CYFIP1: variants seen among roughly 807,000 people sequenced by gnomAD.
The protein encoded by CYFIP1 is cytoplasmic FMR1 interacting protein 1.
Under a neutral mutation model 163.5 loss-of-function variants are expected in CYFIP1, and 58 were observed. The observed-to-expected ratio is 0.35, with a 90% CI of 0.29 to 0.44. The LOEUF (loss-of-function observed/expected upper bound fraction) is 0.44, where lower values mean the gene tolerates loss of function less well. Among genes scored for constraint, CYFIP1 ranks in the 20% least tolerant of loss-of-function variants. The pLI, the probability that CYFIP1 is intolerant of heterozygous loss-of-function variation, is 1.00. For synonymous variants in CYFIP1, 663 were observed against 660.7 expected (o/e 1.00, Z -0.05); for missense variants, 1,338 against 1,653.8 (o/e 0.81, Z 3.31).
chr15:22,918,656 T>G (rs765175775), intron 14 of CYFIP1, 36 bp downstream of exon 14: 2 of 1,515,876 alleles, frequency 1.3e-6, no homozygotes, highest in Non-Finnish European at 1.8e-6. Flanking sequence ...CGAGGACGTG[T>G]GGGCACAGCG....
chr15:22,962,818 C>A (rs1169867572), intron 1 of CYFIP1, among the ~76,000 whole-genome samples: 1 of 152,224 alleles, frequency 6.6e-6, no homozygotes. Flanking sequence ...TTACGAGACG[C>A]ATGCACGCTG....
rs760798329 is a variant in CYFIP1, at chr15:22,875,239, C to T, written c.3075G>A (p.Ala1025=). 2.4e-5 allele frequency: 38 copies of T among 1,613,896 alleles called. 1 individual carries two copies. The highest frequency in any genetic ancestry group is 5.0e-5 in the Admixed American group (3 of 59,996). The change falls in exon 27 of 31, where the codon GCG becomes GCA. Residue 1025 remains alanine (A), a synonymous_variant. Transcript: ENST00000617928. ...SLEEVCDLLH[A]APFQNILPRV... ...GCGGCAAGATGTTCTGGAAAGGAGCCGCGTGCAGCAGGTCACACACTTCTT... is the reference window on the plus strand; with the variant it reads ...GCGGCAAGATGTTCTGGAAAGGAGCTGCGTGCAGCAGGTCACACACTTCTT...
At chr15:22,896,791 CAG>C (rs36075107) in intron 22 of CYFIP1, among the ~76,000 whole-genome samples, 46,376 of 151,930 alleles carry the variant, frequency 0.31, 7,472 homozygotes, top group South Asian at 0.39. Flanking sequence ...CTGTTTTGTA[CAG>C]AGTGATTTTT....
chr15:22,937,733 G>C (rs1468502345), intron 8 of CYFIP1, among the ~76,000 whole-genome samples: 2 of 151,670 alleles, frequency 1.3e-5, no homozygotes, highest in Admixed American at 1.3e-4. Flanking sequence ...CAAGTAGCTG[G>C]GATTACAGGC....
chr15:22,908,662 C>T (rs1003511936), intron 21 of CYFIP1, among the ~76,000 whole-genome samples: 6 of 150,370 alleles, frequency 4.0e-5, no homozygotes, highest in Non-Finnish European at 5.9e-5. Flanking sequence ...CGGAGTAGCT[C>T]GGACTACAGG....
At chr15:22,964,353 T>TCACACACACACACACA (rs71117466) in intron 1 of CYFIP1, among the ~76,000 whole-genome samples, 13 of 78,746 alleles carry the variant, frequency 1.7e-4, no homozygotes, top group African/African-American at 2.0e-4. Flanking sequence ...ACCTCATCAC[T>TCACACACACACACACA]CACACACACA....
chr15:22,937,468 G>C (rs534890244), intron 8 of CYFIP1, among the ~76,000 whole-genome samples: 1 of 152,122 alleles, frequency 6.6e-6, no homozygotes, highest in East Asian at 1.9e-4. Context: ...CCTAACCCAA[G>C]CGGTAGGGAT....
In CYFIP1 at chr15:22,875,242, G is replaced by A. The variant is rs762296538; in HGVS notation, c.3072C>T (p.His1024=). 8.1e-6 allele frequency: 13 copies of A among 1,614,096 alleles called. No individual in the cohort carries two copies. The highest frequency in any genetic ancestry group is 3.3e-4 in the Middle Eastern group (2 of 6,062). Residue 1024 remains histidine (H), a synonymous_variant, in exon 27 of 31, where the codon CAC becomes CAT. Transcript: ENST00000617928. The part of the protein sequence containing the change: ...LSLEEVCDLL[H]AAPFQNILPR... Reference sequence around the variant, plus strand: ...GCAAGATGTTCTGGAAAGGAGCCGCGTGCAGCAGGTCACACACTTCTTCTA... The same window carrying A: ...GCAAGATGTTCTGGAAAGGAGCCGCATGCAGCAGGTCACACACTTCTTCTA...
chr15:22,939,235 T>C lies in CYFIP1; in HGVS notation c.752A>G (p.Asn251Ser). The C allele has an allele frequency of 6.2e-7, 1 of 1,614,180 alleles. No individual in the cohort carries two copies. The highest frequency in any genetic ancestry group is 8.5e-7 in the Non-Finnish European group (1 of 1,180,024). ...IVNLCVDYYE[N>S]RMYLTPSEKH... Reference sequence around the variant, plus strand: ...CTCACTGGGCGTCAAATACATCCTGTTCTCGTAGTAATCCACACACAGATT... The same window carrying C: ...CTCACTGGGCGTCAAATACATCCTGCTCTCGTAGTAATCCACACACAGATT... The change falls in exon 8 of 31, where the codon AAC becomes AGC. Residue 251 changes from asparagine (N) to serine (S), a missense_variant. Asn to Ser is a conservative substitution (Grantham distance 46). This residue lies in a region of CYFIP1 where 824 missense variants were observed against 995.7 expected (regional missense o/e 0.83). Transcript: ENST00000617928.
intron 1 of CYFIP1, among the ~76,000 whole-genome samples, chr15:22,949,245 G>A (rs756234530): frequency 2.0e-5 from 3 of 147,000 alleles, no homozygotes; most frequent in Admixed American, 1.4e-4. Flanking sequence ...CAGGCAGGCC[G>A]GAGGGCGGGC....
At chr15:22,914,186 C>G (rs560898984) in intron 17 of CYFIP1, among the ~76,000 whole-genome samples, 1 of 152,214 alleles carries the variant, frequency 6.6e-6, no homozygotes, top group South Asian at 2.1e-4. Context: ...ACAGGGCTCC[C>G]GCAAGGCAGC....
intron 21 of CYFIP1, among the ~76,000 whole-genome samples, chr15:22,908,957 A>C (rs1190685440): frequency 6.6e-6 from 1 of 152,000 alleles, no homozygotes; most frequent in African/African-American, 2.4e-5. Context: ...AAGTCAATTT[A>C]GCATTGTGAA....
Position 22,933,791 on chromosome 15 carries a change from T to A in CYFIP1, c.992+11A>T. On this transcript the variant is annotated intron_variant, in intron 10 of 30. Coordinates refer to ENST00000617928, the MANE Select transcript of CYFIP1 (RefSeq NM_014608.6). ...GAAAGCTCAAACCAGGCAGCTTTCCTCTCCTCCTACCGAGATTTATTTTCC... is the reference window on the plus strand; with the variant it reads ...GAAAGCTCAAACCAGGCAGCTTTCCACTCCTCCTACCGAGATTTATTTTCC... 6.2e-7 allele frequency: 1 copy of A among 1,606,880 alleles called. No homozygotes were observed. Among genetic ancestry groups the A allele is most frequent in the East Asian group, 2.2e-5 (1 of 44,816 alleles).
intron 12 of CYFIP1, 101 bp from the exon 13 acceptor site, chr15:22,926,208 A>G (rs2061352478): frequency 1.3e-6 from 2 of 1,542,960 alleles, no homozygotes; most frequent in African/African-American, 1.4e-5. Flanking sequence ...CCAGCCTTCA[A>G]ACCTTTGCTG....
Position 22,933,805 on chromosome 15 carries a change from G to T in CYFIP1, c.989C>A (p.Ser330Tyr), listed in dbSNP as rs1566993311. The T allele has an allele frequency of 6.2e-7, 1 of 1,611,886 alleles. No individual in the cohort carries two copies. The highest frequency in any genetic ancestry group is 1.7e-5 in the Admixed American group (1 of 59,476). ...KTSAHYEENK[S>Y]RWTCTSSGSS... is the part of the protein sequence containing the mutation. ...GGCAGCTTTCCTCTCCTCCTACCGA[G>T]ATTTATTTTCCTCGTAGTGGGCGCT... Residue 330 changes from serine (S) to tyrosine (Y), a missense_variant, in exon 10 of 31, where the codon TCT becomes TAT. Physicochemically the swap from Ser to Tyr is moderately radical, Grantham distance 144. Around this residue, in one of 4 missense-constraint regions of CYFIP1, gnomAD observed 824 missense variants for 995.7 expected, o/e 0.83. Coordinates refer to ENST00000617928, the MANE Select transcript of CYFIP1 (RefSeq NM_014608.6).
At position 22,947,183 on chromosome 15, in the gene CYFIP1, A is replaced by G; in HGVS notation, c.103T>C (p.Ser35Pro). 6.2e-7 allele frequency: 1 copy of G among 1,614,114 alleles called. No individual in the cohort carries two copies. Among genetic ancestry groups the G allele is most frequent in the Non-Finnish European group, 8.5e-7 (1 of 1,179,978 alleles). ...TGGGCACCCACCTGGTAGAGCAGCG[A>G]GGATGGCGGGGGCTCGATGCAGGGC... The part of the protein sequence containing the change: ...QQPCIEPPPS[S>P]LLYQPNFNTN... The change falls in exon 2 of 31, where the codon TCG (serine) becomes CCG (proline). Residue 35 changes from serine (S) to proline (P), a missense_variant. This residue lies in a region of CYFIP1 where 186 missense variants were observed against 288.3 expected (regional missense o/e 0.65). Transcript: ENST00000617928.
chr15:22,911,027 G>C (rs1181256569), intron 18 of CYFIP1, among the ~76,000 whole-genome samples: 1 of 151,928 alleles, frequency 6.6e-6, no homozygotes, highest in Non-Finnish European at 1.5e-5. Flanking sequence ...TCAGCCTCCT[G>C]AGTAGCTGGG....
At chr15:22,911,758 T>C (rs967754404) in intron 18 of CYFIP1, among the ~76,000 whole-genome samples, 3 of 152,130 alleles carry the variant, frequency 2.0e-5, no homozygotes, top group Admixed American at 2.0e-4. Context: ...ATAAGGTTCA[T>C]CTCCTTAAAT....
intron 1 of CYFIP1, among the ~76,000 whole-genome samples, chr15:22,953,199 G>A (rs1180676188): frequency 6.6e-6 from 1 of 152,222 alleles, no homozygotes; most frequent in Non-Finnish European, 1.5e-5. Context: ...GGCAGCGTGG[G>A]TGCAGGGTCT....
Sources: gnomAD v4.1 joint callset for allele counts (sites outside exome capture counted in the v4.1 genomes callset) on GRCh38, gnomAD v4.1.1 for gene constraint, gnomAD v4.1.1 regional missense constraint, MANE v1.5 for transcripts, NCBI Gene and HGNC (gene_info 2026-07-23, HGNC 2026-07-21) for gene names.